RBFOX1: variants seen among roughly 807,000 people sequenced by gnomAD.
RBFOX1 encodes RNA binding fox-1 homolog 1, also known as RNA binding protein fox-1 homolog 1.
A neutral mutation model predicts 57.7 loss-of-function variants in RBFOX1; 8 were observed. The ratio of observed to expected loss-of-function variants is 0.14; its 90% confidence interval spans 0.08 to 0.25. RBFOX1 has a LOEUF of 0.25. Among genes scored for constraint, RBFOX1 ranks in the 10% least tolerant of loss-of-function variants. RBFOX1 has a pLI of 1.00. For missense variants in RBFOX1, 611 were observed against 548.5 expected, an observed-to-expected ratio of 1.11 and a Z score of -1.14; for synonymous variants, 326 against 222.4, an observed-to-expected ratio of 1.47 and a Z score of -4.15.
intron 13 of RBFOX1, among the ~76,000 whole-genome samples, chr16:7,676,023 C>G (rs913079501): frequency 6.6e-6 from 1 of 152,158 alleles, no homozygotes; most frequent in Non-Finnish European, 1.5e-5. Flanking sequence ...TGAACAATTG[C>G]AATTACTGGT....
chr16:5,870,554 G>A (rs116737552), intron 4 of RBFOX1, among the ~76,000 whole-genome samples: 218 of 152,092 alleles, frequency 1.4e-3, no homozygotes, highest in African/African-American at 5.1e-3. Flanking sequence ...ATCAAAAATA[G>A]TCTTCCTTCC....
At chr16:5,369,824 T>C (rs992875429) in intron 1 of RBFOX1, among the ~76,000 whole-genome samples, 2 of 152,144 alleles carry the variant, frequency 1.3e-5, no homozygotes, top group Non-Finnish European at 2.9e-5. Flanking sequence ...AATAATGAAA[T>C]ATATTAGGTT....
intron 1 of RBFOX1, among the ~76,000 whole-genome samples, chr16:5,325,438 T>C (rs1239157241): frequency 6.6e-6 from 1 of 152,250 alleles, no homozygotes; most frequent in Non-Finnish European, 1.5e-5. Context: ...TTTTTAATTT[T>C]ATTTTTAAAT....
chr16:6,128,465 A>G (rs139840053), intron 1 of RBFOX1, among the ~76,000 whole-genome samples: 7 of 152,176 alleles, frequency 4.6e-5, no homozygotes, highest in African/African-American at 1.7e-4. Flanking sequence ...CTTGGAGAGA[A>G]GGGAGACACC....
intron 3 of RBFOX1, among the ~76,000 whole-genome samples, chr16:6,912,192 C>A (rs965559513): frequency 1.3e-5 from 2 of 152,122 alleles, no homozygotes; most frequent in Non-Finnish European, 2.9e-5. Context: ...AACTTAAATT[C>A]CCACGTGGAG....
intron 2 of RBFOX1, among the ~76,000 whole-genome samples, chr16:6,564,123 T>A (rs543263732): frequency 6.6e-6 from 1 of 152,254 alleles, no homozygotes; most frequent in Admixed American, 6.5e-5. Flanking sequence ...TGGATTGTTC[T>A]AGGCTCTTTA....
intron 14 of RBFOX1, among the ~76,000 whole-genome samples, chr16:7,703,086 A>C (rs903094993): frequency 6.6e-6 from 1 of 150,724 alleles, no homozygotes; most frequent in Admixed American, 6.7e-5. Context: ...TGGCTCTCTA[A>C]AGAGCATGCT....
At chr16:5,448,707 C>A (rs1039675568) in intron 1 of RBFOX1, among the ~76,000 whole-genome samples, 1 of 152,208 alleles carries the variant, frequency 6.6e-6, no homozygotes, top group Non-Finnish European at 1.5e-5. Context: ...ACACCCACCC[C>A]TAAATGACTA....
At chr16:5,710,616 G>C (rs1027970427) in intron 3 of RBFOX1, among the ~76,000 whole-genome samples, 1 of 152,210 alleles carries the variant, frequency 6.6e-6, no homozygotes, top group Non-Finnish European at 1.5e-5. Context: ...TGGTTGGGGA[G>C]GGTTGGTGCA....
intron 4 of RBFOX1, among the ~76,000 whole-genome samples, chr16:7,104,043 A>G (rs2063149624): frequency 6.6e-6 from 1 of 152,192 alleles, no homozygotes; most frequent in Non-Finnish European, 1.5e-5. Context: ...TCCACATATA[A>G]AATCTAAAAT....
intron 3 of RBFOX1, among the ~76,000 whole-genome samples, chr16:5,720,575 G>A (rs2342727): frequency 0.64 from 97,845 of 151,900 alleles, 32,598 homozygotes; most frequent in Non-Finnish European, 0.73. Flanking sequence ...TAGCTCTTCC[G>A]TTTAGGTCTA....
At chr16:6,066,541 G>T (rs1179947789) in intron 1 of RBFOX1, among the ~76,000 whole-genome samples, 1 of 152,092 alleles carries the variant, frequency 6.6e-6, no homozygotes, top group East Asian at 1.9e-4. Flanking sequence ...GTAGTCCACG[G>T]TTGAGCATGG....
chr16:7,136,864 C>G (rs981315529), intron 4 of RBFOX1, among the ~76,000 whole-genome samples: 5 of 152,308 alleles, frequency 3.3e-5, no homozygotes, highest in Middle Eastern at 3.4e-3. Flanking sequence ...GTTTATTTCT[C>G]TCATACACAA....
intron 3 of RBFOX1, among the ~76,000 whole-genome samples, chr16:5,637,686 C>A (rs1400353992): frequency 6.6e-6 from 1 of 152,090 alleles, no homozygotes; most frequent in Non-Finnish European, 1.5e-5. Context: ...CAGTAGTTCC[C>A]CAGGGAGGCA....
chr16:5,414,915 G>A (rs1044399798), intron 1 of RBFOX1, among the ~76,000 whole-genome samples: 1 of 152,110 alleles, frequency 6.6e-6, no homozygotes, highest in African/African-American at 2.4e-5. Context: ...TGGGTGCAGG[G>A]GTAATAGTCC....
chr16:5,558,996 C>G (rs2045785682), intron 2 of RBFOX1, among the ~76,000 whole-genome samples: 1 of 152,104 alleles, frequency 6.6e-6, no homozygotes, highest in Non-Finnish European at 1.5e-5. Flanking sequence ...CCCACACTCT[C>G]ACACTTTTTG....
chr16:6,645,378 G>T (rs984060520), intron 2 of RBFOX1, among the ~76,000 whole-genome samples: 3 of 152,096 alleles, frequency 2.0e-5, no homozygotes, highest in African/African-American at 7.2e-5. Context: ...CTGAGGTCTC[G>T]GGAGCTTCGT....
At chr16:7,304,230 G>C (rs918126532) in intron 4 of RBFOX1, 18 of 983,520 alleles carry the variant, frequency 1.8e-5, no homozygotes, top group East Asian at 1.1e-4. Context: ...GAGAGAGAGA[G>C]AGAGAGAGAG....
chr16:6,869,795 A>T (rs1373992778), intron 3 of RBFOX1, among the ~76,000 whole-genome samples: 1 of 152,170 alleles, frequency 6.6e-6, no homozygotes, highest in African/African-American at 2.4e-5. Context: ...ATTTCCAATT[A>T]CTTAATTCTG....
Sources: gnomAD v4.1 joint callset for allele counts (sites outside exome capture counted in the v4.1 genomes callset) on GRCh38, gnomAD v4.1.1 for gene constraint, MANE v1.5 for transcripts, NCBI Gene and HGNC (gene_info 2026-07-23, HGNC 2026-07-21) for gene names.